Variants in NIPAL3 observed in about 807,000 individuals in gnomAD.
The protein encoded by NIPAL3 is NIPA like domain containing 3, also known as NIPA-like protein 3.
NIPAL3 carries 41 observed loss-of-function variants against 47.2 expected under a neutral mutation model. That is an observed-to-expected ratio of 0.87 (90% CI 0.68 to 1.13). The LOEUF is 1.13. Ranked by LOEUF, NIPAL3 falls within the 50% of genes most tolerant of loss-of-function variation. The pLI is 0.00. For missense variants in NIPAL3, 449 were observed against 530.1 expected, an observed-to-expected ratio of 0.85 and a Z score of 1.50; for synonymous variants, 194 against 209.6, an observed-to-expected ratio of 0.93 and a Z score of 0.64.
intron 10 of NIPAL3, among the ~76,000 whole-genome samples, chr1:24,461,761 C>T (rs1425520842): frequency 6.6e-5 from 10 of 151,134 alleles, no homozygotes; most frequent in Non-Finnish European, 1.2e-4. Context: ...CCCAGCTACT[C>T]GGGAGGCTGA....
At chr1:24,460,358 A>G (rs773900417) in intron 9 of NIPAL3, 123 bp from the exon 10 acceptor site, 1 of 746,348 alleles carries the variant, frequency 1.3e-6, no homozygotes, top group Non-Finnish European at 2.2e-6. Context: ...TGTAAGGCAC[A>G]GTCATAAGTT....
chr1:24,456,925 G>T (rs1646241903), intron 8 of NIPAL3, among the ~76,000 whole-genome samples: 1 of 152,120 alleles, frequency 6.6e-6, no homozygotes, highest in Non-Finnish European at 1.5e-5. Flanking sequence ...ACCACACCCG[G>T]CTAATTTTTG....
intron 11 of NIPAL3, among the ~76,000 whole-genome samples, chr1:24,467,291 G>A (rs558976671): frequency 7.2e-6 from 1 of 138,158 alleles, no homozygotes; most frequent in Admixed American, 7.9e-5. Flanking sequence ...GTGAAACCCC[G>A]TCTTTACTAA....
Position 24,471,485 on chromosome 1 carries a change from G to A in NIPAL3, c.*2300G>A, listed in dbSNP as rs1429121576. The A allele has an allele frequency of 1.3e-5, 2 of 152,208 alleles. No homozygotes were observed. The highest frequency in any genetic ancestry group is 4.8e-5 in the African/African-American group (2 of 41,320). 9.4% of individuals were successfully genotyped at this position (152,208 alleles called of 1,614,324 possible). ...GATCCTAGCTACTCAGGAGGCTGAG[G>A]TGGGAGGATCGCTAGAGCCCAGAGA... On this transcript the variant is annotated 3_prime_UTR_variant, in exon 12 of 12. Coordinates refer to ENST00000374399, the MANE Select transcript of NIPAL3 (RefSeq NM_020448.5).
intron 2 of NIPAL3, among the ~76,000 whole-genome samples, chr1:24,433,396 G>A (rs935119981): frequency 2.0e-5 from 3 of 152,204 alleles, no homozygotes; most frequent in Non-Finnish European, 4.4e-5. Context: ...GGTATGCTCT[G>A]CCTCAGGCCA....
At chr1:24,426,997 G>A (rs920679979) in intron 2 of NIPAL3, among the ~76,000 whole-genome samples, 13 of 152,198 alleles carry the variant, frequency 8.5e-5, no homozygotes, top group African/African-American at 3.1e-4. Context: ...TCCCTGTTCT[G>A]TGTTAACCAT....
At position 24,469,093 on chromosome 1, in the gene NIPAL3, C is replaced by G; in HGVS notation, c.1129C>G (p.Pro377Ala). The G allele has an allele frequency of 6.2e-7, 1 of 1,614,094 alleles. No individual in the cohort carries two copies. Among genetic ancestry groups the G allele is most frequent in the Non-Finnish European group, 8.5e-7 (1 of 1,180,024 alleles). Residue 377 changes from proline (P) to alanine (A), a missense_variant, in exon 12 of 12, where the codon CCT becomes GCT. Coordinates refer to ENST00000374399, the MANE Select transcript of NIPAL3 (RefSeq NM_020448.5). Reference protein sequence around the residue: ...NNDNISEIYAPATLPVMQEEH... With the variant: ...NNDNISEIYAAATLPVMQEEH... The stretch of plus-strand genomic sequence containing the variant: ...TGACAACATTTCTGAGATCTACGCT[C>G]CTGCCACCCTGCCAGTCATGCAAGA...
chr1:24,456,489 G>A (rs774476859), intron 8 of NIPAL3, among the ~76,000 whole-genome samples: 7 of 152,166 alleles, frequency 4.6e-5, no homozygotes, highest in African/African-American at 1.4e-4. Flanking sequence ...AGTGACCCAC[G>A]CCTGTAATCC....
At chr1:24,428,676 G>T (rs986462131) in intron 2 of NIPAL3, among the ~76,000 whole-genome samples, 1 of 152,182 alleles carries the variant, frequency 6.6e-6, no homozygotes, top group Non-Finnish European at 1.5e-5. Flanking sequence ...ATAAAATGAT[G>T]ATGAGATAAA....
At chr1:24,453,615 T>C in intron 7 of NIPAL3, 111 bp downstream of exon 7, 1 of 833,144 alleles carries the variant, frequency 1.2e-6, no homozygotes. Context: ...TGCTTGAGAC[T>C]GGCTGAGGTT....
intron 5 of NIPAL3, among the ~76,000 whole-genome samples, chr1:24,446,709 C>G (rs750760671): frequency 2.0e-5 from 3 of 152,124 alleles, no homozygotes; most frequent in African/African-American, 4.8e-5. Flanking sequence ...TCTTTGCTAT[C>G]GTGAATGTGC....
intron 2 of NIPAL3, among the ~76,000 whole-genome samples, chr1:24,439,482 T>G (rs1645276459): frequency 6.6e-6 from 1 of 152,202 alleles, no homozygotes; most frequent in South Asian, 2.1e-4. Flanking sequence ...TTTATAGTCA[T>G]TATCTCTGGG....
intron 5 of NIPAL3, among the ~76,000 whole-genome samples, chr1:24,446,137 C>A (rs1270477154): frequency 2.0e-5 from 3 of 150,722 alleles, no homozygotes; most frequent in African/African-American, 7.3e-5. Flanking sequence ...AATAAACAAG[C>A]AACTAAATGA....
chr1:24,415,885 C>A lies in NIPAL3; in HGVS notation c.-277C>A. ...TTCTCAGAAGGTTTTGATAGGTGGG[C>A]CTTAGAGGAGACGCCGCCGGTGAGT... On this transcript the variant is annotated 5_prime_UTR_variant, in exon 1 of 12. Coordinates refer to ENST00000374399, the MANE Select transcript of NIPAL3 (RefSeq NM_020448.5). The A allele has an allele frequency of 4.1e-6, 4 of 985,314 alleles. No homozygotes were observed. Among genetic ancestry groups the A allele is most frequent in the Non-Finnish European group, 3.6e-6 (3 of 829,874 alleles). 61.0% of individuals were successfully genotyped at this position (985,314 alleles called of 1,614,324 possible). A position where few individuals can be genotyped will look rare whatever the true frequency, so the allele number is the denominator to read the frequency against.
At chr1:24,421,555 A>C (rs537225768) in intron 2 of NIPAL3, among the ~76,000 whole-genome samples, 17 of 152,328 alleles carry the variant, frequency 1.1e-4, no homozygotes, top group Admixed American at 8.5e-4. Flanking sequence ...GATGATCATA[A>C]TAACAGTGAC....
At chr1:24,457,828 T>C (rs1170863160) in intron 8 of NIPAL3, 1 of 533,220 alleles carries the variant, frequency 1.9e-6, no homozygotes. Context: ...TCTAGGGAAA[T>C]GCCCGGTAAA....
chr1:24,423,615 T>TCGAG (rs761207210), intron 2 of NIPAL3, among the ~76,000 whole-genome samples: 9 of 151,926 alleles, frequency 5.9e-5, no homozygotes, highest in Non-Finnish European at 2.9e-5. Context: ...GGGGGACAGA[T>TCGAG]CGAGACTCCG....
In NIPAL3 at chr1:24,453,856, C is replaced by T. The variant is rs1202932136; in HGVS notation, c.637+352C>T. The stretch of plus-strand genomic sequence containing the variant: ...ACGGTAGTAGTAGAGCATGCCCCAG[C>T]GATTGAGCCCTGAAAAGATCCATGC... On this transcript the variant is annotated intron_variant, in intron 7 of 11. Coordinates refer to ENST00000374399, the MANE Select transcript of NIPAL3 (RefSeq NM_020448.5). 3.9e-5 allele frequency among the ~76,000 whole-genome samples: 6 copies of T among 152,216 alleles called. No individual in the cohort carries two copies. In the East Asian group the frequency reaches 5.8e-4, roughly 15 times the overall value.
chr1:24,444,206 G>C (rs1645539265), intron 4 of NIPAL3, among the ~76,000 whole-genome samples: 1 of 152,056 alleles, frequency 6.6e-6, no homozygotes, highest in Admixed American at 6.6e-5. Flanking sequence ...AATAATATTA[G>C]CTTAGTTATT....
Sources: allele counts gnomAD v4.1 joint callset (sites outside exome capture counted in the v4.1 genomes callset), GRCh38; gene constraint gnomAD v4.1.1; transcripts MANE v1.5; gene names NCBI Gene and HGNC (gene_info 2026-07-23, HGNC 2026-07-21).